FASTKD1: variants seen among roughly 807,000 people sequenced by gnomAD.
FASTKD1 encodes the protein FAST kinase domain-containing protein 1, mitochondrial.
Under a neutral mutation model 90.9 loss-of-function variants are expected in FASTKD1, and 94 were observed. The ratio of observed to expected loss-of-function variants is 1.03; its 90% CI spans 0.88 to 1.23. The LOEUF (loss-of-function observed/expected upper bound fraction) is 1.23. Ranked by LOEUF, FASTKD1 falls within the 50% of genes most tolerant of loss-of-function variation. The pLI is 0.00. For synonymous variants in FASTKD1, 319 were observed against 345.8 expected, an observed-to-expected ratio of 0.92 and a Z score of 0.86; for missense variants, 945 against 993.5, an observed-to-expected ratio of 0.95 and a Z score of 0.66.
rs371456595 is a variant in FASTKD1 at position 169,564,003 on chromosome 2, C to G, written c.447-653G>C. Among the ~76,000 whole-genome samples, 5 of 152,158 alleles carry G rather than the reference C, an allele frequency of 3.3e-5. No homozygotes were observed. In the East Asian group the frequency reaches 7.7e-4, roughly 24 times the overall value. On this transcript the variant is annotated intron_variant, in intron 3 of 14. Transcript: ENST00000453153. ...AATTTATGGTGTTAGAGGTCAAGAT[C>G]CTTTTTGGGTGAGAGGACTAGAAGA...
chr2:169,534,737 G>T (rs984223831), intron 12 of FASTKD1, among the ~76,000 whole-genome samples: 2 of 152,148 alleles, frequency 1.3e-5, no homozygotes, highest in Non-Finnish European at 2.9e-5. Context: ...GGGATTACAG[G>T]CGTGTGCCAC....
At chr2:169,555,004 TTAC>T in intron 7 of FASTKD1, 117 bp downstream of exon 7, 1 of 883,072 alleles carries the variant, frequency 1.1e-6, no homozygotes, top group Non-Finnish European at 1.7e-6. Context: ...CTTAACATTT[TTAC>T]TAATAAGCTT....
intron 12 of FASTKD1, chr2:169,531,752 G>C (rs1684502899): frequency 3.1e-6 from 1 of 321,992 alleles, no homozygotes; most frequent in African/African-American, 2.1e-5. Flanking sequence ...CGCTGGGCTA[G>C]GCCAAATCAC....
At chr2:169,537,573 G>A (rs758846314) in intron 11 of FASTKD1, among the ~76,000 whole-genome samples, 26 of 151,862 alleles carry the variant, frequency 1.7e-4, no homozygotes, top group Non-Finnish European at 2.6e-4. Flanking sequence ...TGTTAGAGAT[G>A]GGGTTTCTCC....
intron 5 of FASTKD1, among the ~76,000 whole-genome samples, chr2:169,559,681 G>A (rs1281382226): frequency 6.6e-6 from 1 of 152,218 alleles, no homozygotes; most frequent in African/African-American, 2.4e-5. Context: ...GCCTCCCAAA[G>A]TGATGGGATT....
chr2:169,553,793 G>A (rs992559455), intron 7 of FASTKD1, among the ~76,000 whole-genome samples: 4 of 152,022 alleles, frequency 2.6e-5, no homozygotes, highest in Non-Finnish European at 5.9e-5. Context: ...GTGGCGGCGG[G>A]CACCTGTAGT....
intron 7 of FASTKD1, among the ~76,000 whole-genome samples, chr2:169,548,077 AG>A (rs1685298319): frequency 6.6e-6 from 1 of 151,568 alleles, no homozygotes; most frequent in African/African-American, 2.4e-5. Context: ...GAAGGAATAA[AG>A]GAATAAAACA....
At chr2:169,557,073 C>T in intron 6 of FASTKD1, 114 bp downstream of exon 6, 1 of 713,490 alleles carries the variant, frequency 1.4e-6, no homozygotes, top group South Asian at 1.6e-5. Context: ...AGCATTAATT[C>T]CTTATTTCTT....
intron 5 of FASTKD1, among the ~76,000 whole-genome samples, chr2:169,558,203 G>C (rs947824448): frequency 2.0e-5 from 3 of 152,198 alleles, no homozygotes; most frequent in Non-Finnish European, 4.4e-5. Flanking sequence ...CTTTAGCACT[G>C]AGATTTTAAC....
chr2:169,558,318 G>A (rs1683420828), intron 5 of FASTKD1, among the ~76,000 whole-genome samples: 2 of 151,598 alleles, frequency 1.3e-5, no homozygotes, highest in Admixed American at 6.6e-5. Flanking sequence ...TGGAGTGCAG[G>A]AGCATGATAG....
chr2:169,567,354 A>T (rs1684035150), intron 3 of FASTKD1, among the ~76,000 whole-genome samples: 1 of 152,190 alleles, frequency 6.6e-6, no homozygotes, highest in South Asian at 2.1e-4. Context: ...AAATGTTGTG[A>T]CCTATTATCA....
intron 10 of FASTKD1, among the ~76,000 whole-genome samples, chr2:169,538,753 G>T (rs1446899): frequency 0.54 from 80,303 of 149,870 alleles, 22,230 homozygotes; most frequent in Middle Eastern, 0.71. Flanking sequence ...TTATCCTAAG[G>T]AAACAATGAT....
At chr2:169,531,114 T>C (rs773268174) in intron 13 of FASTKD1, 2 of 736,800 alleles carry the variant, frequency 2.7e-6, no homozygotes, top group South Asian at 1.4e-5. Flanking sequence ...GATACTATTT[T>C]ACTTCCAGTG....
Position 169,557,236 on chromosome 2 carries a change from A to T in FASTKD1, c.1033T>A (p.Leu345Met). 1 of 1,613,142 alleles carries T rather than the reference A, an allele frequency of 6.2e-7. No homozygotes were observed. The highest frequency in any genetic ancestry group is 2.2e-5 in the East Asian group (1 of 44,810). ...DLTGEQALAV[L>M]GAMGDMESRN... is the part of the protein sequence containing the mutation. ...CTTTCCATATCTCCCATTGCTCCCA[A>T]CACTGCCAGGGCTTGCTCGCCAGTT... Residue 345 changes from leucine to methionine, a missense_variant, in exon 6 of 15, where the codon TTG becomes ATG. Physicochemically the swap from Leu to Met is conservative, Grantham distance 15. Transcript: ENST00000453153.
intron 12 of FASTKD1, chr2:169,537,001 T>A (rs1293699417): frequency 3.1e-6 from 1 of 318,338 alleles, no homozygotes; most frequent in East Asian, 7.5e-5. Flanking sequence ...CTTAATTTTT[T>A]TTTTTTTTTT....
chr2:169,542,003 T>C (rs762939101), intron 9 of FASTKD1, among the ~76,000 whole-genome samples: 31 of 152,282 alleles, frequency 2.0e-4, no homozygotes, highest in Non-Finnish European at 3.5e-4. Context: ...TCTCAATTCA[T>C]TTAATCCATG....
At chr2:169,550,970 C>T (rs1685464518) in intron 7 of FASTKD1, among the ~76,000 whole-genome samples, 2 of 152,178 alleles carry the variant, frequency 1.3e-5, no homozygotes. Context: ...GATACAATTT[C>T]TCCAACCTCC....
In FASTKD1 at chr2:169,537,325, T is replaced by C. The variant is rs775424838; in HGVS notation, c.2090A>G (p.Asp697Gly). The C allele has an allele frequency of 6.2e-7, 1 of 1,603,564 alleles. No individual in the cohort carries two copies. The stretch of plus-strand genomic sequence containing the variant: ...TTTAAAAATCTGCTGTTGTGTTCCA[T>C]CCATGCCACCAATACCTTTATAAAA... ...QQYNKGIGGM[D>G]GTQQQIFKML... The change falls in exon 12 of 15, where the codon GAT becomes GGT. Residue 697 changes from aspartate (D) to glycine (G), a missense_variant. Asp to Gly is a moderately conservative substitution (Grantham distance 94, BLOSUM62 -1). Coordinates refer to ENST00000453153, the MANE Select transcript of FASTKD1 (RefSeq NM_024622.6).
intron 2 of FASTKD1, chr2:169,571,286 T>G (rs530276808): frequency 6.5e-6 from 1 of 154,996 alleles, no homozygotes; most frequent in African/African-American, 2.4e-5. Flanking sequence ...TTTTTAGACC[T>G]GGCACAGTGG....
Sources: allele counts gnomAD v4.1 joint callset (sites outside exome capture counted in the v4.1 genomes callset), GRCh38; gene constraint gnomAD v4.1.1; transcripts MANE v1.5; gene names NCBI Gene and HGNC (gene_info 2026-07-23, HGNC 2026-07-21).